The following PRKCE variants were observed in gnomAD, a reference collection of about 807,000 sequenced individuals.
PRKCE encodes protein kinase C epsilon, also known as protein kinase C epsilon type.
Under a neutral mutation model 85.4 loss-of-function variants are expected in PRKCE, and 16 were observed. The ratio of observed to expected loss-of-function variants is 0.19; its 90% confidence interval spans 0.13 to 0.28. The LOEUF is 0.28. Ranked by LOEUF, PRKCE falls within the 10% of genes least tolerant of loss-of-function variation. The pLI is 1.00. For synonymous variants in PRKCE, 388 were observed against 371.5 expected (o/e 1.04, Z -0.51); for missense variants, 573 against 975.2 (o/e 0.59, Z 5.49).
At chr2:45,936,852 G>T (rs778143289) in intron 2 of PRKCE, among the ~76,000 whole-genome samples, 1 of 152,148 alleles carries the variant, frequency 6.6e-6, no homozygotes, top group African/African-American at 2.4e-5. Flanking sequence ...CCTACCGCAG[G>T]TATGTGTTCT....
chr2:45,911,292 A>G (rs532388704), intron 2 of PRKCE, among the ~76,000 whole-genome samples: 1 of 152,238 alleles, frequency 6.6e-6, no homozygotes, highest in East Asian at 1.9e-4. Context: ...AACCTTCCCT[A>G]CCTTTCTTCT....
intron 2 of PRKCE, among the ~76,000 whole-genome samples, chr2:45,917,971 C>T (rs970130934): frequency 6.6e-6 from 1 of 152,128 alleles, no homozygotes; most frequent in African/African-American, 2.4e-5. Context: ...GCTCCGAGTG[C>T]GGGGCCCGCC....
At chr2:45,840,940 T>C (rs1054785379) in intron 1 of PRKCE, among the ~76,000 whole-genome samples, 1 of 152,176 alleles carries the variant, frequency 6.6e-6, no homozygotes, top group Non-Finnish European at 1.5e-5. Context: ...CCTGCCTTCC[T>C]TCCTGGGGAC....
chr2:46,033,280 C>T (rs911516110), intron 10 of PRKCE, among the ~76,000 whole-genome samples: 2 of 152,212 alleles, frequency 1.3e-5, no homozygotes, highest in Non-Finnish European at 2.9e-5. Flanking sequence ...TGCTCATCAT[C>T]TTCCTCACTG....
At chr2:45,686,677 A>AT (rs1285300652) in intron 1 of PRKCE, among the ~76,000 whole-genome samples, 2 of 152,192 alleles carry the variant, frequency 1.3e-5, no homozygotes, top group Non-Finnish European at 2.9e-5. Flanking sequence ...CAGATATTGC[A>AT]TATTTTAAAC....
At chr2:45,912,231 G>A (rs534130425) in intron 2 of PRKCE, among the ~76,000 whole-genome samples, 2 of 152,222 alleles carry the variant, frequency 1.3e-5, no homozygotes, top group African/African-American at 4.8e-5. Flanking sequence ...AGGCAGGGAA[G>A]GTGTTATCCC....
chr2:46,049,331 G>A (rs1404866165), intron 10 of PRKCE, among the ~76,000 whole-genome samples: 1 of 152,140 alleles, frequency 6.6e-6, no homozygotes, highest in African/African-American at 2.4e-5. Context: ...TGCTGCCCTG[G>A]TTTCTTCCCA....
intron 1 of PRKCE, among the ~76,000 whole-genome samples, chr2:45,730,622 G>T (rs1229437264): frequency 2.0e-5 from 3 of 150,436 alleles, no homozygotes; most frequent in Non-Finnish European, 4.4e-5. Flanking sequence ...ACCACACCTG[G>T]CTAATTTTTG....
chr2:46,106,197 T>C (rs913469103), intron 11 of PRKCE, among the ~76,000 whole-genome samples: 2 of 152,198 alleles, frequency 1.3e-5, no homozygotes, highest in Non-Finnish European at 2.9e-5. Context: ...CAAGGGCCAA[T>C]TGTATATGTA....
At chr2:45,778,372 G>A (rs909171516) in intron 1 of PRKCE, among the ~76,000 whole-genome samples, 4 of 152,266 alleles carry the variant, frequency 2.6e-5, no homozygotes, top group South Asian at 2.1e-4. Context: ...GCTTAGCTCC[G>A]TGGAGTTTAT....
chr2:45,822,544 A>T (rs891927321), intron 1 of PRKCE, among the ~76,000 whole-genome samples: 1 of 151,962 alleles, frequency 6.6e-6, no homozygotes. Context: ...CTGCACAGTC[A>T]CTCTCTTCCT....
chr2:46,099,071 T>C (rs1670969996), intron 11 of PRKCE, among the ~76,000 whole-genome samples: 2 of 152,182 alleles, frequency 1.3e-5, no homozygotes, highest in Non-Finnish European at 1.5e-5. Context: ...CTCTCCTTGC[T>C]TCTGGGTCTC....
chr2:45,720,565 C>T (rs1680530380), intron 1 of PRKCE, among the ~76,000 whole-genome samples: 2 of 152,178 alleles, frequency 1.3e-5, no homozygotes. Flanking sequence ...CACTAAAAGC[C>T]AGTATCCCTC....
intron 2 of PRKCE, among the ~76,000 whole-genome samples, chr2:45,949,403 TTTTTTTTTTTTTTTTGATTGTTG>T (rs1700464086): frequency 1.5e-4 from 3 of 19,478 alleles, no homozygotes; most frequent in East Asian, 1.2e-3. Flanking sequence ...ATTTTGCTTG[TTTTTTTTTTTTTTTTGATTGTTG>T]TTTTTTTTTT....
intron 2 of PRKCE, among the ~76,000 whole-genome samples, chr2:45,942,569 C>A (rs918199545): frequency 6.6e-6 from 1 of 152,138 alleles, no homozygotes; most frequent in Non-Finnish European, 1.5e-5. Flanking sequence ...CAGGGGATGG[C>A]GTAGGGTGTG....
At chr2:46,081,995 T>G (rs551046075) in intron 10 of PRKCE, among the ~76,000 whole-genome samples, 1 of 152,122 alleles carries the variant, frequency 6.6e-6, no homozygotes, top group African/African-American at 2.4e-5. Context: ...CTCGGGAGGC[T>G]GAGGCAGGAG....
chr2:45,790,389 G>A (rs1431093671), intron 1 of PRKCE, among the ~76,000 whole-genome samples: 1 of 152,242 alleles, frequency 6.6e-6, no homozygotes, highest in East Asian at 1.9e-4. Flanking sequence ...ACACACGTGT[G>A]TTCCAGTCTC....
intron 1 of PRKCE, among the ~76,000 whole-genome samples, chr2:45,826,720 T>G (rs1384118151): frequency 6.6e-6 from 1 of 152,206 alleles, no homozygotes; most frequent in Admixed American, 6.5e-5. Context: ...GATCACCGTC[T>G]TCTGTTCAGC....
At position 45,907,080 on chromosome 2, in the gene PRKCE, C is replaced by T. The variant is rs977639739; in HGVS notation, c.412+64017C>T. ...GCGTCGGAGGTCTAAGTGGTATAGA[C>T]GGAAGGAAGGCGGTCAGAGGGTACA... On this transcript the variant is annotated intron_variant, in intron 2 of 14. Transcript: ENST00000306156. This position sits in a 1 kb window ranked among gnomAD's most constrained non-coding sequence, Gnocchi z 4.5. 3.3e-5 allele frequency among the ~76,000 whole-genome samples: 5 copies of T among 152,084 alleles called. No homozygotes were observed. Among genetic ancestry groups the T allele is most frequent in the Non-Finnish European group, 2.9e-5 (2 of 68,016 alleles).
Sources: gnomAD v4.1 joint callset for allele counts (sites outside exome capture counted in the v4.1 genomes callset) on GRCh38, gnomAD v4.1.1 for gene constraint, Gnocchi (gnomAD v3.1) non-coding constraint, MANE v1.5 for transcripts, NCBI Gene and HGNC (gene_info 2026-07-23, HGNC 2026-07-21) for gene names.